Variants in TEKT3 observed in about 807,000 individuals in gnomAD.
The protein encoded by TEKT3 is tektin-3.
In TEKT3, 49 loss-of-function variants were observed where a neutral mutation model predicts 49.8. The ratio of observed to expected loss-of-function variants is 0.98; its 90% confidence interval spans 0.78 to 1.25. TEKT3 has a LOEUF of 1.25. TEKT3 is among the 50% of genes most tolerant of loss of function. The pLI, the probability that TEKT3 is intolerant of heterozygous loss-of-function variation, is 0.00. For missense variants in TEKT3, 595 were observed against 629.5 expected (o/e 0.95, Z 0.59); for synonymous variants, 225 against 237.2 (o/e 0.95, Z 0.47).
rs987183556 is a variant in TEKT3, at chr17:15,331,657, A to C, written c.-29-43T>G. The stretch of plus-strand genomic sequence containing the variant: ...GTAAAATAAGACAGTCACATAAAAT[A>C]ATCTCTGGTGAAACATACAGATAAA... On this transcript the variant is annotated intron_variant, in intron 2 of 8. Transcript: ENST00000395930. The C allele has an allele frequency of 2.1e-6, 3 of 1,425,466 alleles. No individual in the cohort carries two copies. The African/African-American group carries it at 4.3e-5, about 20-fold the overall frequency. The allele number at this position is 1,425,466 out of a possible 1,614,324, so 88.3% of individuals were successfully genotyped here.
At chr17:15,334,467 G>A (rs936584282) in intron 2 of TEKT3, among the ~76,000 whole-genome samples, 7 of 152,136 alleles carry the variant, frequency 4.6e-5, no homozygotes, top group Non-Finnish European at 1.0e-4. Flanking sequence ...TGTTATATAG[G>A]CATCTTGAGA....
At chr17:15,326,045 CAG>C (rs1340259490) in intron 4 of TEKT3, among the ~76,000 whole-genome samples, 2 of 152,124 alleles carry the variant, frequency 1.3e-5, no homozygotes, top group Non-Finnish European at 2.9e-5. Context: ...TATTTCAACT[CAG>C]AGTTCTCTCA....
chr17:15,331,554 G>A lies in TEKT3; in HGVS notation c.32C>T (p.Thr11Ile). The change falls in exon 3 of 9, where the codon ACT (threonine) becomes ATT (isoleucine). Residue 11 changes from threonine to isoleucine, a missense_variant. Transcript: ENST00000395930. ...TGGTGTTGGTCTAGGGTGGGCGTAA[G>A]TTGTCGTTAAAGTACAACCTACACG... MERVGCTLTT[T>I]YAHPRPTPTN... is the part of the protein sequence containing the mutation. The A allele has an allele frequency of 6.2e-7, 1 of 1,613,518 alleles. No individual in the cohort carries two copies. Among genetic ancestry groups the A allele is most frequent in the African/African-American group, 1.3e-5 (1 of 74,864 alleles).
intron 6 of TEKT3, 93 bp downstream of exon 6, chr17:15,313,994 T>A: frequency 6.4e-7 from 1 of 1,567,686 alleles, no homozygotes; most frequent in East Asian, 2.3e-5. Context: ...TATCTTACCT[T>A]GCTTTCCATT....
rs553915133 is a variant in TEKT3 at position 15,337,572 on chromosome 17, G to A, written c.-30+2456C>T. Among the ~76,000 whole-genome samples the A allele has an allele frequency of 7.0e-4, 107 of 152,270 alleles. 1 individual carries two copies. Among genetic ancestry groups the A allele is most frequent in the African/African-American group, 2.4e-3 (98 of 41,550 alleles). ...AAAAATAAAAATATGGGCTGGGCAC[G>A]GTGGCTCACGCCTGTAATCCCAGCA... On this transcript the variant is annotated intron_variant, in intron 2 of 8. Transcript: ENST00000395930.
chr17:15,312,551 A>G, intron 6 of TEKT3, 70 bp from the exon 7 acceptor site: 4 of 1,401,844 alleles, frequency 2.9e-6, no homozygotes, highest in Admixed American at 3.7e-5. Context: ...CTAGGCAATC[A>G]TTTATCCTGA....
At chr17:15,334,193 C>T (rs1390889601) in intron 2 of TEKT3, among the ~76,000 whole-genome samples, 1 of 152,240 alleles carries the variant, frequency 6.6e-6, no homozygotes, top group East Asian at 1.9e-4. Context: ...GAGCTACAAA[C>T]ACACACCACC....
At chr17:15,312,916 A>C (rs897438542) in intron 6 of TEKT3, among the ~76,000 whole-genome samples, 5 of 152,228 alleles carry the variant, frequency 3.3e-5, no homozygotes, top group African/African-American at 1.2e-4. Context: ...ATTTAGAAAA[A>C]GTTTCTCTTG....
At position 15,337,693 on chromosome 17, in the gene TEKT3, T is replaced by C. The variant is rs1164543109; in HGVS notation, c.-30+2335A>G. Among the ~76,000 whole-genome samples, 4 of 152,102 alleles carry C rather than the reference T, an allele frequency of 2.6e-5. No individual in the cohort carries two copies. In the East Asian group the frequency reaches 7.7e-4, roughly 29 times the overall value. ...CCCAACTCCACTAAAAATACAAAAA[T>C]TAGCCGGGCATGGTGGAAGTTGCCT... On this transcript the variant is annotated intron_variant, in intron 2 of 8. Coordinates refer to ENST00000395930, the MANE Select transcript of TEKT3 (RefSeq NM_031898.3).
intron 2 of TEKT3, 47 bp from the exon 3 acceptor site, chr17:15,331,661 T>C: frequency 1.4e-6 from 2 of 1,407,590 alleles, no homozygotes; most frequent in Non-Finnish European, 1.9e-6. Context: ...TAAAATAATC[T>C]CTGGTGAAAC....
rs1477078895 is a variant in TEKT3 at position 15,304,556 on chromosome 17, A to C, written c.1257-404T>G. On this transcript the variant is annotated intron_variant, in intron 8 of 8. Transcript: ENST00000395930. This position sits in a 1 kb window ranked among gnomAD's most constrained non-coding sequence, Gnocchi z 4.7. Reference sequence around the variant, plus strand: ...CATAAGCTGTCCTTTCCATCGACACAGGGCCCACATGTGTTTGTAAGCTGT... The same window carrying C: ...CATAAGCTGTCCTTTCCATCGACACCGGGCCCACATGTGTTTGTAAGCTGT... 6.6e-6 allele frequency among the ~76,000 whole-genome samples: 1 copy of C among 152,166 alleles called. No individual in the cohort carries two copies. The highest frequency in any genetic ancestry group is 6.5e-5 in the Admixed American group (1 of 15,280).
chr17:15,316,515 A>C (rs1170347176), intron 5 of TEKT3, among the ~76,000 whole-genome samples: 4 of 152,148 alleles, frequency 2.6e-5, no homozygotes, highest in Non-Finnish European at 4.4e-5. Context: ...AGTGGTTACA[A>C]TGTGCGGTGC....
chr17:15,336,282 C>G (rs1277562467), intron 2 of TEKT3, among the ~76,000 whole-genome samples: 1 of 152,084 alleles, frequency 6.6e-6, no homozygotes, highest in Admixed American at 6.5e-5. Context: ...GAATTATTGT[C>G]AGAAACTACC....
chr17:15,325,928 A>G (rs1418315116), intron 4 of TEKT3, among the ~76,000 whole-genome samples: 1 of 152,196 alleles, frequency 6.6e-6, no homozygotes. Flanking sequence ...AAACTATTTC[A>G]TTCAGAATGT....
chr17:15,317,621 A>G (rs1911065230), intron 5 of TEKT3, among the ~76,000 whole-genome samples: 1 of 152,166 alleles, frequency 6.6e-6, no homozygotes, highest in African/African-American at 2.4e-5. Context: ...ACGCTTTTAT[A>G]ACACACATAA....
intron 7 of TEKT3, 83 bp from the exon 8 acceptor site, chr17:15,308,901 A>C: frequency 5.2e-6 from 8 of 1,530,126 alleles, no homozygotes; most frequent in Admixed American, 1.7e-5. Flanking sequence ...TGTCCACTCC[A>C]TGTCCAGCAC....
At chr17:15,330,389 C>G (rs1024620588) in intron 3 of TEKT3, among the ~76,000 whole-genome samples, 1 of 152,040 alleles carries the variant, frequency 6.6e-6, no homozygotes, top group Non-Finnish European at 1.5e-5. Flanking sequence ...GTGATTGGAT[C>G]GTGGGGGTAG....
At chr17:15,312,954 G>GT (rs1910834864) in intron 6 of TEKT3, among the ~76,000 whole-genome samples, 1 of 152,132 alleles carries the variant, frequency 6.6e-6, no homozygotes, top group Admixed American at 6.5e-5. Flanking sequence ...TGTTGAATTG[G>GT]TACAACCTTC....
intron 4 of TEKT3, among the ~76,000 whole-genome samples, chr17:15,322,757 C>T (rs1911319923): frequency 6.6e-6 from 1 of 152,200 alleles, no homozygotes; most frequent in African/African-American, 2.4e-5. Context: ...ATCAAATCTT[C>T]AAAGTCAAGC....
Sources: gnomAD v4.1 joint callset for allele counts (sites outside exome capture counted in the v4.1 genomes callset) on GRCh38, gnomAD v4.1.1 for gene constraint, Gnocchi (gnomAD v3.1) non-coding constraint, MANE v1.5 for transcripts, NCBI Gene and HGNC (gene_info 2026-07-23, HGNC 2026-07-21) for gene names.